CCP110: variants seen among roughly 807,000 people sequenced by gnomAD.
CCP110 encodes the protein centriolar coiled-coil protein 110, also known as centriolar coiled-coil protein of 110 kDa.
Under a neutral mutation model 105.5 loss-of-function variants are expected in CCP110, and 43 were observed. The ratio of observed to expected loss-of-function variants is 0.41; its 90% CI spans 0.32 to 0.53. The LOEUF is 0.53. Ranked by LOEUF, CCP110 falls within the 20% of genes least tolerant of loss-of-function variation. CCP110 has a pLI of 0.32. For synonymous variants in CCP110, 353 were observed against 392.1 expected (o/e 0.90, Z 1.18); for missense variants, 1,016 against 1,189.1 (o/e 0.85, Z 2.14).
chr16:19,540,918 C>A, intron 5 of CCP110, 131 bp downstream of exon 5: 1 of 541,662 alleles, frequency 1.8e-6, no homozygotes, highest in Non-Finnish European at 3.2e-6. Flanking sequence ...CATTTTGATA[C>A]GTGAATGGTA....
At chr16:19,546,581 C>A in intron 12 of CCP110, 107 bp downstream of exon 12, 1 of 630,672 alleles carries the variant, frequency 1.6e-6, no homozygotes, top group Non-Finnish European at 2.8e-6. Flanking sequence ...CTTTGGGAGG[C>A]CAAGACGGAT....
intron 3 of CCP110, among the ~76,000 whole-genome samples, chr16:19,533,177 C>T (rs1969934348): frequency 6.6e-6 from 1 of 152,176 alleles, no homozygotes; most frequent in African/African-American, 2.4e-5. Flanking sequence ...CTGCTGGTAA[C>T]ATCTTTTTGT....
exon 6 of CCP110, chr16:19,541,925 G>A (rs768092506): frequency 1.9e-6 from 3 of 1,601,294 alleles, no homozygotes; most frequent in Non-Finnish European, 8.5e-7. Flanking sequence ...AAGAGAAGAA[G>A]GCAATGACAG....
At position 19,537,588 on chromosome 16, in the gene CCP110, G is replaced by A; in HGVS notation, c.1918+1G>A. The A allele has an allele frequency of 1.3e-6, 2 of 1,513,352 alleles. No homozygotes were observed. Among genetic ancestry groups the A allele is most frequent in the Non-Finnish European group, 1.8e-6 (2 of 1,118,508 alleles). The allele number at this position is 1,513,352 out of a possible 1,614,324, so 93.7% of individuals were successfully genotyped here. On this transcript the variant is annotated splice_donor_variant, in intron 4 of 14. Transcript: ENST00000381396. LOFTEE classifies it high-confidence loss of function. ...AAAATGTTAGGAACTAGTTCCAAAGGTAAGGAATCTTTGAAGCGTTTGATA... is the reference window on the plus strand; with the variant it reads ...AAAATGTTAGGAACTAGTTCCAAAGATAAGGAATCTTTGAAGCGTTTGATA...
Position 19,541,867 on chromosome 16 carries a change from A to G in CCP110, c.2050-20A>G. The G allele has an allele frequency of 6.7e-7, 1 of 1,500,960 alleles. No individual in the cohort carries two copies. The highest frequency in any genetic ancestry group is 1.8e-4 in the Middle Eastern group (1 of 5,662). 93.0% of individuals were successfully genotyped at this position (1,500,960 alleles called of 1,614,324 possible). On this transcript the variant is annotated intron_variant, in intron 5 of 14. Coordinates refer to ENST00000381396, the Ensembl canonical transcript of CCP110. ...ATAATTAAAAGGTTTAGCATGTTAC[A>G]ATAAACTGTTCATGTATAGGAAATA...
At chr16:19,539,349 G>A (rs1287312775) in intron 4 of CCP110, among the ~76,000 whole-genome samples, 1 of 146,942 alleles carries the variant, frequency 6.8e-6, no homozygotes, top group Non-Finnish European at 1.5e-5. Flanking sequence ...CTTAAAACCT[G>A]TGCAACTTTT....
At chr16:19,543,424 G>A (rs571232514) in intron 8 of CCP110, among the ~76,000 whole-genome samples, 1 of 152,194 alleles carries the variant, frequency 6.6e-6, no homozygotes, top group South Asian at 2.1e-4. Flanking sequence ...GTCACCTCAG[G>A]ACCACTATTG....
chr16:19,538,340 T>G (rs1970156415), intron 4 of CCP110, among the ~76,000 whole-genome samples: 3 of 132,232 alleles, frequency 2.3e-5, no homozygotes, highest in Non-Finnish European at 3.2e-5. Context: ...TGAGACAGTC[T>G]TGCTCTGTCG....
rs768915977 is a variant in CCP110 at position 19,532,397 on chromosome 16, TTTTTATG to T, written c.142-18_142-12del. 11 of 1,563,682 alleles carry T rather than the reference TTTTTATG, an allele frequency of 7.0e-6. No homozygotes were observed. Among genetic ancestry groups the T allele is most frequent in the Non-Finnish European group, 9.5e-6 (11 of 1,159,636 alleles). On this transcript the variant is annotated splice_polypyrimidine_tract_variant and intron_variant, in intron 2 of 14. Coordinates refer to ENST00000381396, the Ensembl canonical transcript of CCP110. ...ATTTTTATCGTGGGAAATAATTACA[TTTTTATG>T]ATGTTTTGCAGCTTAACATTGAGAA...
intron 4 of CCP110, among the ~76,000 whole-genome samples, chr16:19,539,802 CTT>C (rs1163681897): frequency 9.2e-5 from 13 of 141,342 alleles, no homozygotes; most frequent in Admixed American, 2.1e-4. Flanking sequence ...GTGGAAATTT[CTT>C]TTTTTTTTTT....
chr16:19,532,663 G>A, intron 3 of CCP110, 119 bp downstream of exon 3: 1 of 764,154 alleles, frequency 1.3e-6, no homozygotes, highest in Non-Finnish European at 2.0e-6. Flanking sequence ...TGTTACGTTT[G>A]AGAAGCTTCA....
chr16:19,549,629 A>G (rs560122513), intron 14 of CCP110, among the ~76,000 whole-genome samples: 1 of 152,370 alleles, frequency 6.6e-6, no homozygotes, highest in African/African-American at 2.4e-5. Context: ...TGTTTACTCC[A>G]GAGGCAGTCA....
At chr16:19,544,710 G>T (rs1970402065) in intron 8 of CCP110, 87 bp from the exon 9 acceptor site, 1 of 724,504 alleles carries the variant, frequency 1.4e-6, no homozygotes, top group Non-Finnish European at 2.4e-6. Context: ...TGTAATTTTG[G>T]ATTGACTGAG....
intron 14 of CCP110, 76 bp from the exon 14 acceptor site, chr16:19,551,120 A>T (rs1970624185): frequency 1.2e-6 from 1 of 850,824 alleles, no homozygotes. Context: ...TTTGTTCCAG[A>T]GTAAAAACTC....
intron 2 of CCP110, among the ~76,000 whole-genome samples, chr16:19,530,474 C>T (rs1374761673): frequency 6.6e-6 from 1 of 151,450 alleles, no homozygotes; most frequent in Non-Finnish European, 1.5e-5. Context: ...GACGAAACCC[C>T]GTCTCTACTA....
chr16:19,548,652 G>A lies in CCP110; in HGVS notation c.2986+52G>A, dbSNP rs1325825029. 7 of 1,144,618 alleles carry A rather than the reference G, an allele frequency of 6.1e-6. No homozygotes were observed. The highest frequency in any genetic ancestry group is 8.9e-6 in the Non-Finnish European group (7 of 789,732). 70.9% of individuals were successfully genotyped at this position (1,144,618 alleles called of 1,614,324 possible). A position where few individuals can be genotyped will look rare whatever the true frequency, so the allele number is the denominator to read the frequency against. On this transcript the variant is annotated intron_variant, in intron 14 of 14. Transcript: ENST00000381396. This position sits in a 1 kb window ranked among gnomAD's most constrained non-coding sequence, Gnocchi z 4.1. Reference sequence around the variant, plus strand: ...CCATTCAATAGAAGGAAGTGCACAAGCTGCCCCATAACTCAGGCCATAGAA... The same window carrying A: ...CCATTCAATAGAAGGAAGTGCACAAACTGCCCCATAACTCAGGCCATAGAA...
chr16:19,545,445 C>T (rs371145726), intron 10 of CCP110, among the ~76,000 whole-genome samples: 10 of 152,098 alleles, frequency 6.6e-5, no homozygotes, highest in African/African-American at 7.2e-5. Flanking sequence ...ATGTTTTGCT[C>T]AGATGGCTTA....
chr16:19,544,527 T>A (rs1019638647), intron 8 of CCP110, among the ~76,000 whole-genome samples: 2 of 152,208 alleles, frequency 1.3e-5, no homozygotes, highest in African/African-American at 4.8e-5. Flanking sequence ...ACTATTTACA[T>A]AGCATGTACA....
chr16:19,534,868 C>T (rs1969993096), intron 3 of CCP110, among the ~76,000 whole-genome samples: 1 of 142,974 alleles, frequency 7.0e-6, no homozygotes, highest in African/African-American at 2.6e-5. Flanking sequence ...TTGTAATATT[C>T]AGACTTTTTT....
Sources: allele counts gnomAD v4.1 joint callset (sites outside exome capture counted in the v4.1 genomes callset), GRCh38; gene constraint gnomAD v4.1.1; non-coding constraint Gnocchi (gnomAD v3.1); transcripts MANE v1.5; gene names NCBI Gene and HGNC (gene_info 2026-07-23, HGNC 2026-07-21).